Variants in TTLL4 observed in about 807,000 individuals in gnomAD.
TTLL4 encodes tubulin monoglutamylase TTLL4.
In TTLL4, 85 loss-of-function variants were observed where a neutral mutation model predicts 122.7. That is an observed-to-expected ratio of 0.69 (90% CI 0.58 to 0.83). The LOEUF is 0.83. Among genes scored for constraint, TTLL4 ranks in the 40% least tolerant of loss-of-function variants. The pLI, the probability that TTLL4 is intolerant of heterozygous loss-of-function variation, is 0.00. For synonymous variants in TTLL4, 553 were observed against 563.0 expected (o/e 0.98, Z 0.25); for missense variants, 1,363 against 1,488.6 (o/e 0.92, Z 1.39).
At chr2:218,745,839 C>G in intron 7 of TTLL4, 38 bp downstream of exon 7, 1 of 1,572,312 alleles carries the variant, frequency 6.4e-7, no homozygotes, top group Non-Finnish European at 8.7e-7. Context: ...GTCCTTTTGC[C>G]CCAAATAGAT....
At position 218,751,917 on chromosome 2, in the gene TTLL4, T is replaced by G; in HGVS notation, c.2976+111T>G. The G allele has an allele frequency of 4.6e-6, 3 of 658,180 alleles. No individual in the cohort carries two copies. In the South Asian group the frequency reaches 6.9e-5, roughly 15 times the overall value. 40.8% of individuals were successfully genotyped at this position (658,180 alleles called of 1,614,324 possible). On this transcript the variant is annotated intron_variant, in intron 16 of 19. Transcript: ENST00000392102. ...TTTTTTTCTTTTCTTTTTCTTTTTT[T>G]TTTTTTTGAGATAGAGTTTCACTCT...
At chr2:218,713,636 A>G (rs911570198) in intron 1 of TTLL4, among the ~76,000 whole-genome samples, 16 of 152,194 alleles carry the variant, frequency 1.1e-4, no homozygotes, top group African/African-American at 3.1e-4. Context: ...TCAGGGATAC[A>G]TTAGTAAAAT....
intron 1 of TTLL4, among the ~76,000 whole-genome samples, chr2:218,718,197 C>T (rs1941924636): frequency 1.3e-5 from 2 of 152,024 alleles, no homozygotes; most frequent in African/African-American, 2.4e-5. Context: ...AGGGAAACAC[C>T]TAGTTGAAGG....
downstream of TTLL4, among the ~76,000 whole-genome samples, chr2:218,757,056 A>T (rs1234590601): frequency 1.3e-5 from 2 of 152,210 alleles, no homozygotes; most frequent in African/African-American, 4.8e-5. Context: ...ATTTCTTTGT[A>T]GTATGAATAT....
intron 1 of TTLL4, among the ~76,000 whole-genome samples, chr2:218,713,655 G>T (rs767296433): frequency 2.6e-5 from 4 of 152,160 alleles, no homozygotes; most frequent in Non-Finnish European, 5.9e-5. Context: ...ATCATGTAAA[G>T]AATATGTTCC....
At chr2:218,740,489 A>G in intron 4 of TTLL4, 32 bp from the exon 5 acceptor site, 1 of 1,611,382 alleles carries the variant, frequency 6.2e-7, no homozygotes, top group Non-Finnish European at 8.5e-7. Flanking sequence ...AGCCTCTTCT[A>G]GTCAGAATTT....
At chr2:218,728,644 T>A (rs1942263526) in intron 2 of TTLL4, among the ~76,000 whole-genome samples, 1 of 152,094 alleles carries the variant, frequency 6.6e-6, no homozygotes, top group South Asian at 2.1e-4. Context: ...TCCCAAATGG[T>A]AGAGGTCCCA....
In TTLL4 at chr2:218,738,192, G is replaced by A. The variant is rs1396360316; in HGVS notation, c.516G>A (p.Gln172=). 1 of 1,613,880 alleles carries A rather than the reference G, an allele frequency of 6.2e-7. No homozygotes were observed. The highest frequency in any genetic ancestry group is 8.5e-7 in the Non-Finnish European group (1 of 1,180,010). Residue 172 remains glutamine (Q), a synonymous_variant, in exon 3 of 20, where the codon CAG becomes CAA. Transcript: ENST00000392102. ...CTTCCATGGTCTTCTCCATGGCCCA[G>A]CCCATGGCCTCCTCATCCACAGAAC... ...ATSSMVFSMA[Q]PMASSSTEPY... is the part of the protein sequence containing the mutation.
At chr2:218,716,737 C>T (rs771745557) in intron 1 of TTLL4, among the ~76,000 whole-genome samples, 9 of 151,970 alleles carry the variant, frequency 5.9e-5, no homozygotes, top group South Asian at 4.2e-4. Context: ...TGCAGTGAGC[C>T]GAGATCGTGC....
At chr2:218,728,389 C>G (rs1320040975) in intron 2 of TTLL4, among the ~76,000 whole-genome samples, 1 of 152,178 alleles carries the variant, frequency 6.6e-6, no homozygotes, top group Admixed American at 6.5e-5. Flanking sequence ...AGCATGCAAC[C>G]TAGATCCCTT....
At chr2:218,755,881 G>A (rs1436238067), downstream of TTLL4, among the ~76,000 whole-genome samples, 1 of 152,172 alleles carries the variant, frequency 6.6e-6, no homozygotes, top group Non-Finnish European at 1.5e-5. Context: ...TTGGGTTCAA[G>A]GCCACAGAGT....
At chr2:218,729,146 C>G (rs1942282748) in intron 2 of TTLL4, among the ~76,000 whole-genome samples, 1 of 152,072 alleles carries the variant, frequency 6.6e-6, no homozygotes. Flanking sequence ...GTTGGCCAGG[C>G]TGGTCTCGAA....
chr2:218,741,468 A>G (rs1424499829), intron 5 of TTLL4, among the ~76,000 whole-genome samples: 1 of 152,206 alleles, frequency 6.6e-6, no homozygotes, highest in Non-Finnish European at 1.5e-5. Flanking sequence ...TAGCATGGAC[A>G]AGACAGGCTG....
chr2:218,754,659 C>T lies in TTLL4; in HGVS notation c.*270C>T, dbSNP rs1040824008. The T allele has an allele frequency of 4.0e-5, 21 of 525,778 alleles. No individual in the cohort carries two copies. Among genetic ancestry groups the T allele is most frequent in the Non-Finnish European group, 7.1e-5 (21 of 296,512 alleles). 32.6% of individuals were successfully genotyped at this position (525,778 alleles called of 1,614,324 possible). On this transcript the variant is annotated 3_prime_UTR_variant, in exon 20 of 20. Coordinates refer to ENST00000392102, the MANE Select transcript of TTLL4 (RefSeq NM_014640.5). ...AGCAGAGAAGCCAGTGGTGGCCACG[C>T]AGCCTTATAAAGCAGGTTTTGGTTT...
intron 1 of TTLL4, among the ~76,000 whole-genome samples, chr2:218,723,886 T>C (rs997917764): frequency 3.9e-5 from 6 of 152,184 alleles, no homozygotes; most frequent in African/African-American, 9.7e-5. Flanking sequence ...TAAAGGACAT[T>C]GATGGGACAG....
At chr2:218,746,325 G>A in intron 8 of TTLL4, 94 bp downstream of exon 8, 5 of 1,389,546 alleles carry the variant, frequency 3.6e-6, no homozygotes, top group Non-Finnish European at 5.1e-6. Context: ...GCGGGAAGAG[G>A]ATGATGACCA....
chr2:218,748,778 GTCTTTGTCACTCAT>G, intron 12 of TTLL4, 44 bp from the exon 13 acceptor site: 1 of 1,495,480 alleles, frequency 6.7e-7, no homozygotes. Context: ...GTTTTTCTTT[GTCTTTGTCACTCAT>G]TCCTAGAATT....
At position 218,748,276 on chromosome 2, in the gene TTLL4, G is replaced by A. The variant is rs199738868; in HGVS notation, c.2501+49G>A. On this transcript the variant is annotated intron_variant, in intron 12 of 19. Transcript: ENST00000392102. The stretch of plus-strand genomic sequence containing the variant: ...TCCAGTGAAGGCCTAGAGGAATACA[G>A]GGTTCTGGGGTTTTGGGAGGTTCAG... 1.4e-5 allele frequency: 22 copies of A among 1,607,976 alleles called. No homozygotes were observed. The African/African-American group carries it at 2.9e-4, about 21-fold the overall frequency.
chr2:218,715,936 GATA>G (rs1559355243), intron 1 of TTLL4, among the ~76,000 whole-genome samples: 1 of 152,072 alleles, frequency 6.6e-6, no homozygotes, highest in African/African-American at 2.4e-5. Flanking sequence ...GGCCTGGAAT[GATA>G]ATCTTATGGG....
Sources: allele counts gnomAD v4.1 joint callset (sites outside exome capture counted in the v4.1 genomes callset), GRCh38; gene constraint gnomAD v4.1.1; transcripts MANE v1.5; gene names NCBI Gene and HGNC (gene_info 2026-07-23, HGNC 2026-07-21).